Variants in EML5 observed in about 807,000 individuals in gnomAD.
EML5 encodes the protein echinoderm microtubule-associated protein-like 5.
A neutral mutation model predicts 250.0 loss-of-function variants in EML5; 120 were observed. The observed-to-expected ratio is 0.48, with a 90% CI of 0.41 to 0.56. The LOEUF (loss-of-function observed/expected upper bound fraction) is 0.56. EML5 is among the 20% of genes least tolerant of loss of function. The probability of loss-of-function intolerance (pLI) is 0.00; values close to 1 mark genes in which losing one functional copy is unlikely to be tolerated. For synonymous variants in EML5, 771 were observed against 806.5 expected (o/e 0.96, Z 0.75); for missense variants, 2,006 against 2,437.6 (o/e 0.82, Z 3.73).
chr14:88,685,041 T>A lies in EML5; in HGVS notation c.2956A>T (p.Ser986Cys). The change falls in exon 20 of 44, where the codon AGT becomes TGT. Residue 986 changes from serine (S) to cysteine (C), a missense_variant. Transcript: ENST00000554922. ...KNGEILEVDK[S>C]GPITLLVQGH... ...TGAACCAGAAGTGTTATTGGGCCAC[T>A]TTTATCCACTTCTAGTATTTCACCA... 6.2e-7 allele frequency: 1 copy of A among 1,608,246 alleles called. No homozygotes were observed. Among genetic ancestry groups the A allele is most frequent in the Non-Finnish European group, 8.5e-7 (1 of 1,177,258 alleles).
At chr14:88,622,744 A>C in intron 36 of EML5, 26 bp from the exon 37 acceptor site, 2 of 1,520,820 alleles carry the variant, frequency 1.3e-6, no homozygotes, top group Middle Eastern at 1.7e-4. Context: ...AGCCAGAGTA[A>C]GTGTTCATTA....
At chr14:88,734,423 T>G (rs12888343) in intron 7 of EML5, among the ~76,000 whole-genome samples, 60,723 of 151,716 alleles carry the variant, frequency 0.4, 14,604 homozygotes, top group African/African-American at 0.66. Flanking sequence ...TTGAAAGGGG[T>G]TAAAAATGAA....
At chr14:88,652,358 G>A (rs1264895277) in intron 27 of EML5, among the ~76,000 whole-genome samples, 3 of 151,948 alleles carry the variant, frequency 2.0e-5, no homozygotes, top group African/African-American at 7.3e-5. Context: ...CTGGCAACGC[G>A]GGGGTCAGTC....
At position 88,663,036 on chromosome 14, in the gene EML5, C is replaced by T. The variant is rs1304439440; in HGVS notation, c.3493G>A (p.Val1165Met). The T allele has an allele frequency of 7.1e-6, 11 of 1,550,718 alleles. No homozygotes were observed. Among genetic ancestry groups the T allele is most frequent in the African/African-American group, 5.5e-5 (4 of 73,014 alleles). The change falls in exon 24 of 44, where the codon GTG becomes ATG. Residue 1165 changes from valine (V) to methionine (M), a missense_variant. This residue lies in a region of EML5 where 1,375 missense variants were observed against 1,590.3 expected (regional missense o/e 0.86). Transcript: ENST00000554922. ...AAGCACCACTGTTGTCCTACCTCCA[C>T]GCTGGGGATGGTTTGTTTTTTCCCT... ...PRGKKQTIPS[V>M]EVEKIAWASW... is the part of the protein sequence containing the mutation.
chr14:88,765,901 G>A (rs1453539092), intron 1 of EML5, among the ~76,000 whole-genome samples: 1 of 152,212 alleles, frequency 6.6e-6, no homozygotes, highest in East Asian at 1.9e-4. Context: ...CGAACGGAGG[G>A]ACCGGCTGAA....
At chr14:88,664,362 A>T in intron 23 of EML5, 131 bp downstream of exon 23, 1 of 708,306 alleles carries the variant, frequency 1.4e-6, no homozygotes. Context: ...GTAAAAAATA[A>T]TTTTGAGAAT....
chr14:88,767,391 C>T (rs1204843691), intron 1 of EML5, among the ~76,000 whole-genome samples: 7 of 152,156 alleles, frequency 4.6e-5, no homozygotes, highest in Non-Finnish European at 8.8e-5. Flanking sequence ...CTCCGTACCC[C>T]CTACAATTTT....
intron 1 of EML5, among the ~76,000 whole-genome samples, chr14:88,763,506 GTAAT>G (rs1414249487): frequency 6.6e-6 from 1 of 152,028 alleles, no homozygotes; most frequent in African/African-American, 2.4e-5. Flanking sequence ...AATTGAGGCA[GTAAT>G]TAATAGCCTA....
intron 2 of EML5, among the ~76,000 whole-genome samples, chr14:88,752,630 G>C (rs138084877): frequency 6.6e-6 from 1 of 152,294 alleles, no homozygotes; most frequent in African/African-American, 2.4e-5. Context: ...GAAATACTGG[G>C]TAGAAGAAGG....
chr14:88,770,442 G>A (rs2094378856), intron 1 of EML5, among the ~76,000 whole-genome samples: 1 of 152,022 alleles, frequency 6.6e-6, no homozygotes, highest in African/African-American at 2.4e-5. Context: ...ATATTCAGTT[G>A]TTTTTCACAT....
At position 88,705,483 on chromosome 14, in the gene EML5, T is replaced by C; in HGVS notation, c.1931A>G (p.Gln644Arg). The change falls in exon 12 of 44, where the codon CAG (glutamine) becomes CGG (arginine). Residue 644 changes from glutamine (Q) to arginine (R), a missense_variant and splice_region_variant. Physicochemically the swap from Gln to Arg is conservative, Grantham distance 43. Around this residue, in one of 7 missense-constraint regions of EML5, gnomAD observed 1,375 missense variants for 1,590.3 expected, o/e 0.86. Transcript: ENST00000554922. ...EQETQLTYRR[Q>R]VYKEDLPQLK... ...AAACCATGTGATATGGAAAATTACCTGTCGACGGTAGGTGAGCTGTGTCTC... is the reference window on the plus strand; with the variant it reads ...AAACCATGTGATATGGAAAATTACCCGTCGACGGTAGGTGAGCTGTGTCTC... 6.3e-7 allele frequency: 1 copy of C among 1,593,182 alleles called. No homozygotes were observed. Among genetic ancestry groups the C allele is most frequent in the Non-Finnish European group, 8.6e-7 (1 of 1,167,642 alleles).
In EML5 at chr14:88,613,394, C is replaced by A. The variant is rs1390987498; in HGVS notation, c.*2424G>T. 6.6e-6 allele frequency: 1 copy of A among 151,808 alleles called. No individual in the cohort carries two copies. Among genetic ancestry groups the A allele is most frequent in the Admixed American group, 6.6e-5 (1 of 15,242 alleles). 9.4% of individuals were successfully genotyped at this position (151,808 alleles called of 1,614,324 possible). ...AATATCTGGAAATACTTTTAGCTAT[C>A]ATTTATAAAGATAGTTTTGTTCTCA... On this transcript the variant is annotated 3_prime_UTR_variant, in exon 44 of 44. Coordinates refer to ENST00000554922, the MANE Select transcript of EML5 (RefSeq NM_183387.3).
At chr14:88,727,401 A>ATTTTTTT (rs3055841) in intron 7 of EML5, among the ~76,000 whole-genome samples, 1 of 131,722 alleles carries the variant, frequency 7.6e-6, no homozygotes. Context: ...GATACACTGC[A>ATTTTTTT]TTTTTTTTTT....
intron 12 of EML5, among the ~76,000 whole-genome samples, 158 bp downstream of exon 12, chr14:88,705,324 C>A (rs578173483): frequency 1.3e-5 from 2 of 152,194 alleles, no homozygotes; most frequent in East Asian, 3.9e-4. Context: ...AAAAATTTTA[C>A]ACAAGTGTAC....
At chr14:88,762,188 C>T (rs2094254218) in intron 1 of EML5, among the ~76,000 whole-genome samples, 1 of 152,058 alleles carries the variant, frequency 6.6e-6, no homozygotes, top group South Asian at 2.1e-4. Flanking sequence ...CAGGAGCACC[C>T]AGATTCATAA....
chr14:88,667,583 T>G (rs1328700138), intron 21 of EML5, among the ~76,000 whole-genome samples: 1 of 152,178 alleles, frequency 6.6e-6, no homozygotes, highest in African/African-American at 2.4e-5. Context: ...TTATTGCCTC[T>G]CAGTTCCAAA....
At chr14:88,618,051 T>C (rs1567012914) in intron 41 of EML5, 177 bp downstream of exon 41, 4 of 413,528 alleles carry the variant, frequency 9.7e-6, no homozygotes, top group Non-Finnish European at 1.7e-5. Flanking sequence ...TGATAAAACA[T>C]GGAAATATAT....
chr14:88,789,154 C>G (rs995508893), intron 1 of EML5, among the ~76,000 whole-genome samples: 1 of 151,552 alleles, frequency 6.6e-6, no homozygotes, highest in Admixed American at 6.6e-5. Flanking sequence ...GCATCTTATG[C>G]TAAAACTGGT....
chr14:88,749,557 G>A (rs751931547), intron 2 of EML5, among the ~76,000 whole-genome samples: 3 of 151,890 alleles, frequency 2.0e-5, no homozygotes, highest in Non-Finnish European at 4.4e-5. Context: ...AACTATTTAC[G>A]GCAAAATAAC....
Sources: allele counts gnomAD v4.1 joint callset (sites outside exome capture counted in the v4.1 genomes callset), GRCh38; gene constraint gnomAD v4.1.1; regional missense constraint gnomAD v4.1.1; transcripts MANE v1.5; gene names NCBI Gene and HGNC (gene_info 2026-07-23, HGNC 2026-07-21).